Variants in KCNK9 observed in about 807,000 individuals in gnomAD.
KCNK9 encodes potassium two pore domain channel subfamily K member 9, also known as potassium channel subfamily K member 9.
In KCNK9, 1 loss-of-function variant was observed where a neutral mutation model predicts 10.8. The ratio of observed to expected loss-of-function variants is 0.09; its 90% CI spans 0.03 to 0.44. The LOEUF (loss-of-function observed/expected upper bound fraction) is 0.44. KCNK9 is among the 20% of genes least tolerant of loss of function. KCNK9 has a pLI of 0.97. For missense variants in KCNK9, 303 were observed against 515.0 expected (o/e 0.59, Z 3.98); for synonymous variants, 231 against 222.7 (o/e 1.04, Z -0.33).
chr8:139,663,470 C>T (rs1036563943), intron 1 of KCNK9, among the ~76,000 whole-genome samples: 2 of 152,036 alleles, frequency 1.3e-5, no homozygotes, highest in African/African-American at 4.8e-5. Context: ...GCGCGAAAGA[C>T]AGTGAGGCGA....
At chr8:139,619,254 T>C (rs1814702398) in intron 1 of KCNK9, among the ~76,000 whole-genome samples, 155 bp from the exon 2 acceptor site, 1 of 151,480 alleles carries the variant, frequency 6.6e-6, no homozygotes, top group Non-Finnish European at 1.5e-5. Flanking sequence ...TGGCCATATA[T>C]TGGAGGGAGG....
chr8:139,687,600 GTATACA>G (rs1816839948), intron 1 of KCNK9, among the ~76,000 whole-genome samples: 2 of 39,718 alleles, frequency 5.0e-5, no homozygotes, highest in East Asian at 8.9e-4. Context: ...ATATTCATAT[GTATACA>G]TATGTATACA....
At chr8:139,663,355 G>A (rs764191941) in intron 1 of KCNK9, among the ~76,000 whole-genome samples, 3 of 152,026 alleles carry the variant, frequency 2.0e-5, no homozygotes, top group Non-Finnish European at 4.4e-5. Context: ...CCGCTCTTGG[G>A]GGACTACAGG....
chr8:139,605,007 C>A (rs1230512494), intron 2 of KCNK9, among the ~76,000 whole-genome samples: 2 of 152,208 alleles, frequency 1.3e-5, no homozygotes, highest in Non-Finnish European at 2.9e-5. Context: ...AGACTAAGGG[C>A]ACGACCCAGA....
chr8:139,674,548 G>C (rs1816506418), intron 1 of KCNK9, among the ~76,000 whole-genome samples: 1 of 152,184 alleles, frequency 6.6e-6, no homozygotes, highest in Non-Finnish European at 1.5e-5. Flanking sequence ...TCAGGAGCCT[G>C]GGGCTCCCTC....
chr8:139,617,341 A>C lies in KCNK9; in HGVS notation c.*917T>G, dbSNP rs1202954424. ...CGTTTCCCCTGACAATTCCAGTTGC[A>C]TGGTAAATTGTTGGAACTGGAGGTG... On this transcript the variant is annotated 3_prime_UTR_variant, in exon 2 of 2. Coordinates refer to ENST00000520439, the MANE Select transcript of KCNK9 (RefSeq NM_001282534.2). Among the ~76,000 whole-genome samples the C allele has an allele frequency of 1.3e-5, 2 of 152,198 alleles. No homozygotes were observed. The highest frequency in any genetic ancestry group is 2.9e-5 in the Non-Finnish European group (2 of 68,034).
chr8:139,700,367 G>A (rs1817176456), intron 1 of KCNK9, among the ~76,000 whole-genome samples: 1 of 152,056 alleles, frequency 6.6e-6, no homozygotes, highest in Non-Finnish European at 1.5e-5. Flanking sequence ...CCTCTCTCTG[G>A]TCTTTACACT....
intron 1 of KCNK9, among the ~76,000 whole-genome samples, chr8:139,662,563 T>C (rs1001395985): frequency 6.6e-6 from 1 of 152,102 alleles, no homozygotes; most frequent in African/African-American, 2.4e-5. Context: ...GGTCCAGGCT[T>C]GGCCCCTTCT....
chr8:139,612,457 C>A (rs1814456276), downstream of KCNK9: 2 of 152,188 alleles, frequency 1.3e-5, no homozygotes, highest in African/African-American at 4.8e-5. Flanking sequence ...CCGAAAGAGC[C>A]CGACGGGCTT....
In KCNK9 at chr8:139,693,145, G is replaced by A. The variant is rs1816969571; in HGVS notation, c.283+9565C>T. Among the ~76,000 whole-genome samples the A allele has an allele frequency of 6.6e-6, 1 of 152,130 alleles. No individual in the cohort carries two copies. The highest frequency in any genetic ancestry group is 1.5e-5 in the Non-Finnish European group (1 of 68,032). On this transcript the variant is annotated intron_variant, in intron 1 of 1. Coordinates refer to ENST00000520439, the MANE Select transcript of KCNK9 (RefSeq NM_001282534.2). The surrounding 1 kb of genome is among the most constrained non-coding windows in gnomAD (Gnocchi z 4.1). The stretch of plus-strand genomic sequence containing the variant: ...GCGTGCCTGTCAGCTGCAGGTAAAG[G>A]CCTCTCACCTTCCTGAGTGGGCTGC...
intron 1 of KCNK9, among the ~76,000 whole-genome samples, chr8:139,697,194 G>C (rs111069514): frequency 3.0e-5 from 1 of 32,804 alleles, no homozygotes; most frequent in East Asian, 5.3e-4. Context: ...ATGGTGGATG[G>C]GTGGATGAGT....
chr8:139,677,243 G>T (rs1240382417), intron 1 of KCNK9, among the ~76,000 whole-genome samples: 1 of 152,122 alleles, frequency 6.6e-6, no homozygotes, highest in Non-Finnish European at 1.5e-5. Flanking sequence ...GGTGTTAGAT[G>T]CTTCTCCTAT....
downstream of KCNK9, chr8:139,616,083 G>A (rs1035535993): frequency 3.9e-5 from 6 of 152,138 alleles, no homozygotes; most frequent in Admixed American, 2.0e-4. Context: ...CTGTGACACT[G>A]AGCAAATCAC....
intron 2 of KCNK9, among the ~76,000 whole-genome samples, chr8:139,604,413 G>C (rs1011530768): frequency 1.3e-5 from 2 of 152,128 alleles, no homozygotes; most frequent in African/African-American, 4.8e-5. Flanking sequence ...GACACTGTGG[G>C]ACGGGAGGAG....
At chr8:139,680,575 C>A (rs1816666529) in intron 1 of KCNK9, among the ~76,000 whole-genome samples, 1 of 152,144 alleles carries the variant, frequency 6.6e-6, no homozygotes. Flanking sequence ...CATCTCAGAT[C>A]TGCCCCTGCC....
chr8:139,683,976 C>A (rs1281529341), intron 1 of KCNK9, among the ~76,000 whole-genome samples: 1 of 152,168 alleles, frequency 6.6e-6, no homozygotes, highest in Non-Finnish European at 1.5e-5. Context: ...GACCTTTGCC[C>A]CCTCCTTCTT....
chr8:139,684,926 C>T (rs991236294), intron 1 of KCNK9, among the ~76,000 whole-genome samples: 8 of 152,200 alleles, frequency 5.3e-5, no homozygotes, highest in Admixed American at 1.3e-4. Flanking sequence ...AGACAGAGCA[C>T]ATGATCCATT....
At chr8:139,601,740 G>GTTATCTTAATAACCCAGATATTTA (rs1328262821) in intron 2 of KCNK9, 1 of 152,176 alleles carries the variant, frequency 6.6e-6, no homozygotes. Flanking sequence ...AGATAATTAA[G>GTTATCTTAATAACCCAGATATTTA]ACCCCCTGCT....
chr8:139,681,585 G>T (rs761166312), intron 1 of KCNK9, among the ~76,000 whole-genome samples: 10 of 152,212 alleles, frequency 6.6e-5, no homozygotes, highest in Non-Finnish European at 1.0e-4. Flanking sequence ...TGGAACAAGG[G>T]TCGCTGGCTT....
Sources: allele counts gnomAD v4.1 joint callset (sites outside exome capture counted in the v4.1 genomes callset), GRCh38; gene constraint gnomAD v4.1.1; non-coding constraint Gnocchi (gnomAD v3.1); transcripts MANE v1.5; gene names NCBI Gene and HGNC (gene_info 2026-07-23, HGNC 2026-07-21).